Variants in CLSTN2 observed in about 807,000 individuals in gnomAD.
CLSTN2 encodes the protein calsyntenin-2.
Under a neutral mutation model 101.2 loss-of-function variants are expected in CLSTN2, and 48 were observed. That is an observed-to-expected ratio of 0.47 (90% CI 0.38 to 0.60). CLSTN2 has a LOEUF of 0.60. Ranked by LOEUF, CLSTN2 falls within the 20% of genes least tolerant of loss-of-function variation. The probability of loss-of-function intolerance (pLI) is 0.00; values close to 1 mark genes in which losing one functional copy is unlikely to be tolerated. For synonymous variants in CLSTN2, 481 were observed against 463.6 expected (o/e 1.04, Z -0.48); for missense variants, 1,160 against 1,238.2 (o/e 0.94, Z 0.95).
At chr3:140,068,818 A>G (rs958175665) in intron 1 of CLSTN2, among the ~76,000 whole-genome samples, 2 of 152,264 alleles carry the variant, frequency 1.3e-5, no homozygotes, top group African/African-American at 4.8e-5. Flanking sequence ...ATGATTGTAT[A>G]TATTTAAAGC....
At chr3:140,118,365 A>G (rs746009402) in intron 1 of CLSTN2, among the ~76,000 whole-genome samples, 44 of 152,362 alleles carry the variant, frequency 2.9e-4, no homozygotes, top group Middle Eastern at 6.8e-3. Context: ...ATATCTGGGC[A>G]AGGAGAAATA....
At chr3:140,441,656 G>T (rs2088767185) in intron 5 of CLSTN2, among the ~76,000 whole-genome samples, 1 of 152,170 alleles carries the variant, frequency 6.6e-6, no homozygotes, top group African/African-American at 2.4e-5. Flanking sequence ...TGACACCTTG[G>T]CCCTACCCAC....
chr3:140,546,646 ATTAATT>A lies in CLSTN2; in HGVS notation c.1640_1645del (p.Ile547_Ser549delinsThr), dbSNP rs754525565. ...GCAGGCCTGCAAGGAAGGGCTGGAC[ATTAATT>A]CCTTGGAAAGCCTTGGCCAAGGAAT... On this transcript the variant is annotated inframe_deletion, in exon 10 of 17. Coordinates refer to ENST00000458420, the MANE Select transcript of CLSTN2 (RefSeq NM_022131.3). 4 of 1,613,716 alleles carry A rather than the reference ATTAATT, an allele frequency of 2.5e-6. 1 individual carries two copies. In the South Asian group the frequency reaches 4.4e-5, roughly 18 times the overall value.
intron 1 of CLSTN2, among the ~76,000 whole-genome samples, chr3:140,163,449 C>G (rs968819782): frequency 6.6e-6 from 1 of 151,692 alleles, no homozygotes; most frequent in Non-Finnish European, 1.5e-5. Flanking sequence ...CACACACACA[C>G]AGATGTAGAG....
At chr3:140,006,124 T>C (rs771448729) in intron 1 of CLSTN2, among the ~76,000 whole-genome samples, 3 of 152,218 alleles carry the variant, frequency 2.0e-5, no homozygotes, top group Non-Finnish European at 2.9e-5. Context: ...CACATTGAGG[T>C]TTTGTGGTTT....
At chr3:140,424,803 T>C (rs2088546509) in intron 5 of CLSTN2, among the ~76,000 whole-genome samples, 3 of 151,816 alleles carry the variant, frequency 2.0e-5, no homozygotes, top group Non-Finnish European at 2.9e-5. Context: ...GTGAACAATA[T>C]GAGGAGAGCA....
chr3:140,374,800 C>A (rs1035115867), intron 2 of CLSTN2, among the ~76,000 whole-genome samples: 1 of 152,324 alleles, frequency 6.6e-6, no homozygotes, highest in South Asian at 2.1e-4. Flanking sequence ...GTTAGTCTTA[C>A]ATAAATAATA....
intron 1 of CLSTN2, among the ~76,000 whole-genome samples, chr3:140,126,642 G>T (rs2009438176): frequency 6.6e-6 from 1 of 152,134 alleles, no homozygotes; most frequent in Admixed American, 6.5e-5. Flanking sequence ...GACACAGTGG[G>T]TAGTATGGTC....
chr3:140,482,727 C>T (rs1360940164), intron 8 of CLSTN2, among the ~76,000 whole-genome samples: 2 of 152,162 alleles, frequency 1.3e-5, no homozygotes, highest in Admixed American at 1.3e-4. Context: ...AGTTTATTTG[C>T]ATAGAGGTGT....
chr3:140,247,380 T>G (rs1417987748), intron 2 of CLSTN2, among the ~76,000 whole-genome samples: 1 of 152,228 alleles, frequency 6.6e-6, no homozygotes, highest in Non-Finnish European at 1.5e-5. Context: ...ACAGGAGAGT[T>G]GGTCCTCTCT....
intron 10 of CLSTN2, among the ~76,000 whole-genome samples, chr3:140,547,409 G>A (rs1438233357): frequency 1.3e-5 from 2 of 152,092 alleles, no homozygotes; most frequent in South Asian, 2.1e-4. Context: ...AGGAGGCGGA[G>A]GTTGCAGTGA....
intron 10 of CLSTN2, among the ~76,000 whole-genome samples, chr3:140,548,729 G>A (rs1040901668): frequency 6.6e-6 from 1 of 152,166 alleles, no homozygotes; most frequent in African/African-American, 2.4e-5. Context: ...GATGGAAGGT[G>A]CCAGAGAGGT....
At chr3:139,962,038 G>GATTTT (rs1364054645) in intron 1 of CLSTN2, among the ~76,000 whole-genome samples, 1 of 151,802 alleles carries the variant, frequency 6.6e-6, no homozygotes, top group African/African-American at 2.4e-5. Flanking sequence ...ATTTGAGCAG[G>GATTTT]ATTTTTTTGG....
chr3:140,136,303 TAACTC>T, intron 1 of CLSTN2, among the ~76,000 whole-genome samples: 1 of 152,312 alleles, frequency 6.6e-6, no homozygotes, highest in East Asian at 1.9e-4. Context: ...TAGGCAAACT[TAACTC>T]CACCTCTTAA....
At chr3:140,382,108 T>C (rs1322372733) in intron 2 of CLSTN2, among the ~76,000 whole-genome samples, 1 of 152,230 alleles carries the variant, frequency 6.6e-6, no homozygotes, top group African/African-American at 2.4e-5. Flanking sequence ...CTCTAATTTG[T>C]CTGCCTAATT....
intron 15 of CLSTN2, among the ~76,000 whole-genome samples, chr3:140,563,748 C>T (rs974376451): frequency 2.6e-5 from 4 of 152,112 alleles, no homozygotes; most frequent in African/African-American, 9.7e-5. Context: ...TTAATTTACA[C>T]CTAACTATTA....
At chr3:140,052,621 C>G (rs1352185455) in intron 1 of CLSTN2, among the ~76,000 whole-genome samples, 2 of 152,186 alleles carry the variant, frequency 1.3e-5, no homozygotes, top group Non-Finnish European at 2.9e-5. Flanking sequence ...AGCTGTGTCT[C>G]CCACCACCAC....
At chr3:140,040,406 A>G (rs1178289980) in intron 1 of CLSTN2, among the ~76,000 whole-genome samples, 2 of 152,142 alleles carry the variant, frequency 1.3e-5, no homozygotes, top group East Asian at 3.9e-4. Flanking sequence ...TGCATAGGTT[A>G]GATATAGTCA....
chr3:140,354,552 A>G (rs570489234), intron 2 of CLSTN2, among the ~76,000 whole-genome samples: 1 of 152,264 alleles, frequency 6.6e-6, no homozygotes, highest in African/African-American at 2.4e-5. Flanking sequence ...GTCTTTTACA[A>G]AATCCTCCCC....
Sources: allele counts gnomAD v4.1 joint callset (sites outside exome capture counted in the v4.1 genomes callset), GRCh38; gene constraint gnomAD v4.1.1; transcripts MANE v1.5; gene names NCBI Gene and HGNC (gene_info 2026-07-23, HGNC 2026-07-21).